Variants in MAD1L1 observed in about 807,000 individuals in gnomAD.
The protein encoded by MAD1L1 is mitotic spindle assembly checkpoint protein MAD1.
MAD1L1 carries 95 observed loss-of-function variants against 96.9 expected under a neutral mutation model. That is an observed-to-expected ratio of 0.98 (90% CI 0.83 to 1.16). The LOEUF is 1.16. Ranked by LOEUF, MAD1L1 falls within the 50% of genes most tolerant of loss-of-function variation. The pLI, the probability that MAD1L1 is intolerant of heterozygous loss-of-function variation, is 0.00. For synonymous variants in MAD1L1, 473 were observed against 396.6 expected (o/e 1.19, Z -2.29); for missense variants, 1,007 against 954.4 (o/e 1.06, Z -0.73).
intron 14 of MAD1L1, among the ~76,000 whole-genome samples, chr7:1,990,407 CG>C (rs1055272830): frequency 6.6e-6 from 1 of 152,176 alleles, no homozygotes; most frequent in Non-Finnish European, 1.5e-5. Flanking sequence ...AAGGAGGCCT[CG>C]GGGGGATCTT....
intron 10 of MAD1L1, chr7:2,193,150 CA>C (rs1471487736): frequency 6.6e-6 from 1 of 152,380 alleles, no homozygotes; most frequent in African/African-American, 2.4e-5. Context: ...AACCCTAACC[CA>C]ACCCTCAGTC....
chr7:2,170,056 C>T (rs938994639), intron 10 of MAD1L1, among the ~76,000 whole-genome samples: 1 of 152,204 alleles, frequency 6.6e-6, no homozygotes, highest in Non-Finnish European at 1.5e-5. Context: ...CTCGTGCCCT[C>T]AGGTCGTCCC....
In MAD1L1 at chr7:2,105,166, G is replaced by C. The variant is rs543821122; in HGVS notation, c.1074-35828C>G. 6.0e-4 allele frequency among the ~76,000 whole-genome samples: 92 copies of C among 152,136 alleles called. 1 individual carries two copies. The South Asian group carries it at 0.013, about 22-fold the overall frequency. On this transcript the variant is annotated intron_variant, in intron 11 of 18. Transcript: ENST00000265854. ...CTCACTCTCTGAGGCCACAAACACCGCACCGTCCTGCTTGGGGATATTCCA... is the reference window on the plus strand; with the variant it reads ...CTCACTCTCTGAGGCCACAAACACCCCACCGTCCTGCTTGGGGATATTCCA...
intron 12 of MAD1L1, among the ~76,000 whole-genome samples, chr7:2,023,939 A>C (rs1782892015): frequency 6.6e-6 from 1 of 151,920 alleles, no homozygotes. Flanking sequence ...ACAGAGCAAG[A>C]CTCCATCTCA....
chr7:2,037,464 C>T (rs1449421857), intron 12 of MAD1L1, among the ~76,000 whole-genome samples: 1 of 151,274 alleles, frequency 6.6e-6, no homozygotes, highest in Non-Finnish European at 1.5e-5. Context: ...ACAGCATGTG[C>T]TCCCTACACG....
chr7:2,106,019 T>C (rs1438165363), intron 11 of MAD1L1, among the ~76,000 whole-genome samples: 85 of 53,340 alleles, frequency 1.6e-3, no homozygotes, highest in East Asian at 1.6e-3. Context: ...GCCCCACACA[T>C]GGCCCCGCCC....
At chr7:2,229,187 C>T (rs897959991) in intron 3 of MAD1L1, among the ~76,000 whole-genome samples, 5 of 152,204 alleles carry the variant, frequency 3.3e-5, no homozygotes, top group East Asian at 1.9e-4. Context: ...AACTACAGAA[C>T]GGCTCTGGGG....
chr7:2,054,894 G>A (rs920720133), intron 12 of MAD1L1, among the ~76,000 whole-genome samples: 7 of 152,256 alleles, frequency 4.6e-5, no homozygotes, highest in Non-Finnish European at 1.0e-4. Context: ...AACACATGCG[G>A]TACTCAGGGC....
chr7:1,887,850 T>C lies in MAD1L1; in HGVS notation c.1998+10350A>G, dbSNP rs1198328242. On this transcript the variant is annotated intron_variant, in intron 18 of 18. Coordinates refer to ENST00000265854, the MANE Select transcript of MAD1L1 (RefSeq NM_001013836.2). ...GTGCATGTATGTGGCGTCCTGTGCGTGTGTGTGTGCACGTGTGTGTGCAAG... is the reference window on the plus strand; with the variant it reads ...GTGCATGTATGTGGCGTCCTGTGCGCGTGTGTGTGCACGTGTGTGTGCAAG... 3.5e-4 allele frequency among the ~76,000 whole-genome samples: 10 copies of C among 28,840 alleles called. No individual in the cohort carries two copies. The Admixed American group carries it at 5.1e-3, about 15-fold the overall frequency. The allele number at this position is 28,840 out of a possible 152,430, so 18.9% of individuals were successfully genotyped here. A position where few individuals can be genotyped will look rare whatever the true frequency, so the allele number is the denominator to read the frequency against.
chr7:2,083,653 A>G (rs1287671411), intron 11 of MAD1L1, among the ~76,000 whole-genome samples: 1 of 152,226 alleles, frequency 6.6e-6, no homozygotes. Context: ...AGGCAACGGC[A>G]TCGGACGCTA....
chr7:2,077,876 G>A (rs919302308), intron 11 of MAD1L1, among the ~76,000 whole-genome samples: 1 of 152,252 alleles, frequency 6.6e-6, no homozygotes, highest in African/African-American at 2.4e-5. Context: ...ACACAGAGCT[G>A]TGTTCACAGG....
intron 14 of MAD1L1, among the ~76,000 whole-genome samples, chr7:1,998,813 G>C (rs1004720477): frequency 6.9e-6 from 1 of 144,486 alleles, no homozygotes; most frequent in Non-Finnish European, 1.5e-5. Context: ...AGGGGAACCA[G>C]ACCCCACAGT....
chr7:1,922,084 G>A (rs1788826379), intron 17 of MAD1L1, among the ~76,000 whole-genome samples: 1 of 152,242 alleles, frequency 6.6e-6, no homozygotes, highest in African/African-American at 2.4e-5. Flanking sequence ...CTCTGACGAT[G>A]GAGGGAGTGC....
At chr7:2,030,519 GGGCCCCTGAACAGCCTTGATGTGCAGA>G (rs1783177350) in intron 12 of MAD1L1, among the ~76,000 whole-genome samples, 1 of 152,146 alleles carries the variant, frequency 6.6e-6, no homozygotes, top group African/African-American at 2.4e-5. Context: ...TGTTACACGC[GGGCCCCTGAACAGCCTTGATGTGCAGA>G]GGCCCCTGGG....
intron 18 of MAD1L1, among the ~76,000 whole-genome samples, chr7:1,879,152 T>C (rs1458922001): frequency 1.3e-5 from 2 of 152,194 alleles, no homozygotes; most frequent in Non-Finnish European, 2.9e-5. Flanking sequence ...ACCATTTTCA[T>C]GGATTGGAAC....
chr7:2,078,631 C>T (rs1323439352), intron 11 of MAD1L1, among the ~76,000 whole-genome samples: 1 of 152,242 alleles, frequency 6.6e-6, no homozygotes, highest in Admixed American at 6.5e-5. Flanking sequence ...AGCAGTTTCC[C>T]ACTCTCGCCC....
chr7:2,059,489 C>CAGAGG (rs563789269), intron 12 of MAD1L1, among the ~76,000 whole-genome samples: 88 of 146,024 alleles, frequency 6.0e-4, no homozygotes, highest in African/African-American at 2.2e-3. Flanking sequence ...GGATTGTGGC[C>CAGAGG]AGAGGAGAGG....
intron 11 of MAD1L1, among the ~76,000 whole-genome samples, chr7:2,147,899 G>A (rs1789388997): frequency 6.6e-6 from 1 of 152,232 alleles, no homozygotes; most frequent in Non-Finnish European, 1.5e-5. Context: ...ATAATTTTAG[G>A]AAGCACCTCC....
chr7:2,070,059 G>C (rs1242498801), intron 11 of MAD1L1, among the ~76,000 whole-genome samples: 1 of 152,190 alleles, frequency 6.6e-6, no homozygotes, highest in African/African-American at 2.4e-5. Context: ...CAGCAGAGAG[G>C]GGCTGGGTCA....
Sources: allele counts gnomAD v4.1 joint callset (sites outside exome capture counted in the v4.1 genomes callset), GRCh38; gene constraint gnomAD v4.1.1; transcripts MANE v1.5; gene names NCBI Gene and HGNC (gene_info 2026-07-23, HGNC 2026-07-21).